The following FAM168A variants were observed in gnomAD, a reference collection of about 807,000 sequenced individuals.
FAM168A encodes family with sequence similarity 168 member A.
In FAM168A, 3 loss-of-function variants were observed where a neutral mutation model predicts 28.5. The observed-to-expected ratio is 0.11, with a 90% CI of 0.05 to 0.27. FAM168A has a LOEUF of 0.27. Among genes scored for constraint, FAM168A ranks in the 10% least tolerant of loss-of-function variants. The probability of loss-of-function intolerance (pLI) is 1.00; values close to 1 mark genes in which losing one functional copy is unlikely to be tolerated. For missense variants in FAM168A, 222 were observed against 311.5 expected, an observed-to-expected ratio of 0.71 and a Z score of 2.16; for synonymous variants, 122 against 124.2, an observed-to-expected ratio of 0.98 and a Z score of 0.12.
At chr11:73,560,754 G>A (rs1386041231) in intron 1 of FAM168A, among the ~76,000 whole-genome samples, 1 of 152,150 alleles carries the variant, frequency 6.6e-6, no homozygotes, top group Non-Finnish European at 1.5e-5. Flanking sequence ...AAAATAATTT[G>A]GCAGTTTCTT....
At chr11:73,466,111 T>C (rs1867731574) in intron 2 of FAM168A, among the ~76,000 whole-genome samples, 1 of 152,216 alleles carries the variant, frequency 6.6e-6, no homozygotes, top group African/African-American at 2.4e-5. Context: ...AACTCCTCTG[T>C]TCCCTGCAGC....
At chr11:73,410,145 G>T (rs568126763) in intron 5 of FAM168A, among the ~76,000 whole-genome samples, 1 of 151,960 alleles carries the variant, frequency 6.6e-6, no homozygotes, top group Non-Finnish European at 1.5e-5. Context: ...AGTGGCTCAC[G>T]TCTGTAGTTC....
chr11:73,499,788 CACT>C lies in FAM168A; in HGVS notation c.-18-31299_-18-31297del, dbSNP rs201734468. Among the ~76,000 whole-genome samples the C allele has an allele frequency of 4.8e-3, 726 of 151,986 alleles. 4 individuals carry two copies. Among genetic ancestry groups the C allele is most frequent in the African/African-American group, 0.017 (690 of 41,438 alleles). The stretch of plus-strand genomic sequence containing the variant: ...AGAAAGGTTATCAGAGTTTGAAGAC[CACT>C]TTACTGAAATAAGACATGCAGACAA... On this transcript the variant is annotated intron_variant, in intron 1 of 7. Coordinates refer to ENST00000356467, the MANE Select transcript of FAM168A (RefSeq NM_015159.3).
chr11:73,588,025 C>T (rs1193017523), intron 1 of FAM168A, among the ~76,000 whole-genome samples: 1 of 152,086 alleles, frequency 6.6e-6, no homozygotes, highest in African/African-American at 2.4e-5. Flanking sequence ...GCTGGGATTA[C>T]AGACGTGAGC....
At chr11:73,530,944 G>A (rs557530590) in intron 1 of FAM168A, among the ~76,000 whole-genome samples, 2 of 152,188 alleles carry the variant, frequency 1.3e-5, no homozygotes, top group South Asian at 4.2e-4. Flanking sequence ...CAATAAACAT[G>A]TAGCAAACAC....
At chr11:73,532,427 T>C (rs577217558) in intron 1 of FAM168A, among the ~76,000 whole-genome samples, 1 of 152,264 alleles carries the variant, frequency 6.6e-6, no homozygotes, top group African/African-American at 2.4e-5. Context: ...CCTGGAGCCC[T>C]AAGATTTCCC....
chr11:73,538,027 A>C lies in FAM168A; in HGVS notation c.-19+59896T>G, dbSNP rs137930015. Among the ~76,000 whole-genome samples the C allele has an allele frequency of 5.9e-5, 9 of 152,324 alleles. No homozygotes were observed. In the East Asian group the frequency reaches 1.7e-3, roughly 29 times the overall value. ...TATTCTCTCATTTAATACTCACTGT[A>C]ACCTTGGGAAAGGTGATATCTATAA... is the stretch of plus-strand genomic sequence containing the variant. On this transcript the variant is annotated intron_variant, in intron 1 of 7. Coordinates refer to ENST00000356467, the MANE Select transcript of FAM168A (RefSeq NM_015159.3).
intron 1 of FAM168A, among the ~76,000 whole-genome samples, chr11:73,581,625 T>C (rs967911411): frequency 1.3e-5 from 2 of 152,220 alleles, no homozygotes; most frequent in African/African-American, 4.8e-5. Flanking sequence ...AAGCTCAGGT[T>C]ACTCTTCCTC....
intron 1 of FAM168A, among the ~76,000 whole-genome samples, chr11:73,490,800 T>C (rs1194656026): frequency 6.6e-6 from 1 of 152,192 alleles, no homozygotes; most frequent in Non-Finnish European, 1.5e-5. Context: ...CACATATCTA[T>C]TGTACTTAAT....
At chr11:73,551,482 AC>A (rs1187318824) in intron 1 of FAM168A, among the ~76,000 whole-genome samples, 1 of 152,232 alleles carries the variant, frequency 6.6e-6, no homozygotes, top group African/African-American at 2.4e-5. Context: ...TAGCACAATT[AC>A]AAAAATAACT....
At chr11:73,592,730 GC>G (rs1944396592) in intron 1 of FAM168A, among the ~76,000 whole-genome samples, 1 of 152,042 alleles carries the variant, frequency 6.6e-6, no homozygotes, top group Non-Finnish European at 1.5e-5. Flanking sequence ...AACAACAGAG[GC>G]CATATGTGGC....
At chr11:73,426,217 T>C (rs1365722030) in intron 3 of FAM168A, among the ~76,000 whole-genome samples, 1 of 152,224 alleles carries the variant, frequency 6.6e-6, no homozygotes, top group African/African-American at 2.4e-5. Flanking sequence ...TTACCATTAA[T>C]AGGTCCCTCG....
chr11:73,464,345 A>C (rs1390521820), intron 2 of FAM168A, among the ~76,000 whole-genome samples: 1 of 143,052 alleles, frequency 7.0e-6, no homozygotes. Flanking sequence ...GAAAACAAAC[A>C]CTGGTTTAAA....
chr11:73,532,355 A>C lies in FAM168A; in HGVS notation c.-18-63863T>G, dbSNP rs573387852. ...CTAGTACACCGCAGGAGTAATGTAT[A>C]TAAAATTGCTCTACTGAATTGCCTG... On this transcript the variant is annotated intron_variant, in intron 1 of 7. Coordinates refer to ENST00000356467, the MANE Select transcript of FAM168A (RefSeq NM_015159.3). Among the ~76,000 whole-genome samples, 106 of 152,198 alleles carry C rather than the reference A, an allele frequency of 7.0e-4. 1 individual carries two copies. The highest frequency in any genetic ancestry group is 1.0e-4 in the Non-Finnish European group (7 of 67,998).
intron 1 of FAM168A, among the ~76,000 whole-genome samples, chr11:73,573,048 T>C (rs1198410633): frequency 5.9e-5 from 9 of 151,792 alleles, no homozygotes; most frequent in Non-Finnish European, 1.2e-4. Context: ...TGGAAGCAGA[T>C]CCCCCATTTG....
At chr11:73,430,277 GGT>G (rs35239246) in intron 3 of FAM168A, 18,998 of 172,836 alleles carry the variant, frequency 0.11, 828 homozygotes, top group Non-Finnish European at 0.12. Flanking sequence ...TGTGTCCCAA[GGT>G]GTGTGTGTGT....
intron 1 of FAM168A, among the ~76,000 whole-genome samples, chr11:73,495,254 A>G (rs1418796237): frequency 6.6e-6 from 1 of 152,110 alleles, no homozygotes; most frequent in African/African-American, 2.4e-5. Flanking sequence ...GCGTGAACCC[A>G]GGAGGCAGAG....
At chr11:73,534,206 G>A (rs540221738) in intron 1 of FAM168A, among the ~76,000 whole-genome samples, 4 of 152,180 alleles carry the variant, frequency 2.6e-5, no homozygotes, top group East Asian at 1.9e-4. Flanking sequence ...AAATGGAGAC[G>A]AGCAATAGCC....
chr11:73,444,954 G>C (rs1234787636), intron 2 of FAM168A, among the ~76,000 whole-genome samples: 2 of 152,100 alleles, frequency 1.3e-5, no homozygotes, highest in East Asian at 3.8e-4. Flanking sequence ...AAAACAACAA[G>C]AGAAGCCATA....
Sources: gnomAD v4.1 joint callset for allele counts (sites outside exome capture counted in the v4.1 genomes callset) on GRCh38, gnomAD v4.1.1 for gene constraint, MANE v1.5 for transcripts, NCBI Gene and HGNC (gene_info 2026-07-23, HGNC 2026-07-21) for gene names.